INO80: variants seen among roughly 807,000 people sequenced by gnomAD.
The protein encoded by INO80 is INO80 complex ATPase subunit.
A neutral mutation model predicts 203.4 loss-of-function variants in INO80; 20 were observed. The ratio of observed to expected loss-of-function variants is 0.10; its 90% CI spans 0.07 to 0.14. The LOEUF (loss-of-function observed/expected upper bound fraction) is 0.14. Ranked by LOEUF, INO80 falls within the 10% of genes least tolerant of loss-of-function variation. The pLI, the probability that INO80 is intolerant of heterozygous loss-of-function variation, is 1.00. For synonymous variants in INO80, 726 were observed against 685.2 expected, an observed-to-expected ratio of 1.06 and a Z score of -0.93; for missense variants, 1,419 against 1,914.4, an observed-to-expected ratio of 0.74 and a Z score of 4.83.
chr15:41,070,496 T>C lies in INO80; in HGVS notation c.1657A>G (p.Ser553Gly), dbSNP rs2045292753. The change falls in exon 13 of 36, where the codon AGC becomes GGC. Residue 553 changes from serine (S) to glycine (G), a missense_variant. This residue lies in a region of INO80 where 192 missense variants were observed against 406.7 expected (regional missense o/e 0.47). Coordinates refer to ENST00000648947, the MANE Select transcript of INO80 (RefSeq NM_017553.3). ...DEMGLGKTVQ[S>G]IALLAHLAER... is the part of the protein sequence containing the mutation. ...GCCAGATGGGCCAGAAGGGCAATGC[T>C]CTGTACTGTTTTACCAAGGCCCATT... 6.2e-7 allele frequency: 1 copy of C among 1,614,156 alleles called. No individual in the cohort carries two copies. The highest frequency in any genetic ancestry group is 2.2e-5 in the East Asian group (1 of 44,888).
rs1237967713 is a variant in INO80, at chr15:41,005,707, G to A, written c.3403-20C>T. 7.4e-7 allele frequency: 1 copy of A among 1,351,774 alleles called. No homozygotes were observed. Among genetic ancestry groups the A allele is most frequent in the South Asian group, 1.2e-5 (1 of 84,442 alleles). 83.7% of individuals were successfully genotyped at this position (1,351,774 alleles called of 1,614,324 possible). On this transcript the variant is annotated intron_variant, in intron 27 of 35. Transcript: ENST00000648947. ...GTATTCCTGCCAACCAGGATAAAAG[G>A]ACACAGTAAATCTGATGCAAATTAC... is the stretch of plus-strand genomic sequence containing the variant.
chr15:41,049,840 C>A, intron 20 of INO80, 95 bp downstream of exon 20: 1 of 1,142,728 alleles, frequency 8.8e-7, no homozygotes, highest in South Asian at 1.6e-5. Context: ...GAGCCGAAAT[C>A]ACGCCATTGC....
At chr15:41,011,201 T>G (rs140392674) in intron 27 of INO80, among the ~76,000 whole-genome samples, 1 of 152,368 alleles carries the variant, frequency 6.6e-6, no homozygotes, top group East Asian at 1.9e-4. Flanking sequence ...TCCCTGATGG[T>G]TGAAATTCTA....
At chr15:41,050,242 G>A in intron 19 of INO80, 140 bp from the exon 20 acceptor site, 1 of 572,640 alleles carries the variant, frequency 1.7e-6, no homozygotes, top group Non-Finnish European at 3.1e-6. Flanking sequence ...ATAAACCTGT[G>A]AATGTGGACA....
rs143822228 is a variant in INO80 at position 41,008,185 on chromosome 15, A to G, written c.3403-2498T>C. 2.1e-3 allele frequency among the ~76,000 whole-genome samples: 314 copies of G among 151,088 alleles called. 1 individual carries two copies. The highest frequency in any genetic ancestry group is 7.1e-3 in the African/African-American group (291 of 41,180). Reference sequence around the variant, plus strand: ...GTGATTGTCTCAAAATAAACAAACAAAACAGGTGAATGGATAAAGAATATG... The same window carrying G: ...GTGATTGTCTCAAAATAAACAAACAGAACAGGTGAATGGATAAAGAATATG... On this transcript the variant is annotated intron_variant, in intron 27 of 35. Transcript: ENST00000648947.
At chr15:41,107,420 G>C (rs2045896403) in intron 1 of INO80, among the ~76,000 whole-genome samples, 1 of 152,126 alleles carries the variant, frequency 6.6e-6, no homozygotes, top group Non-Finnish European at 1.5e-5. Flanking sequence ...AGAATTGCTT[G>C]AACCCAGGAG....
chr15:41,116,259 C>CG lies in INO80; in HGVS notation c.-331dup. 5.0e-6 allele frequency: 2 copies of CG among 399,552 alleles called. No homozygotes were observed. The highest frequency in any genetic ancestry group is 1.3e-4 in the South Asian group (1 of 7,966). 24.8% of individuals were successfully genotyped at this position (399,552 alleles called of 1,614,324 possible). On this transcript the variant is annotated 5_prime_UTR_variant, in exon 1 of 36. The change creates a premature stop within an existing upstream ORF in the 5' untranslated region. Transcript: ENST00000648947. ...GGAGCAGGGACACGGGGAGCCATGG[C>CG]GGGGGGGAGGAGAGGCGCCATAGCC...
intron 1 of INO80, among the ~76,000 whole-genome samples, chr15:41,113,442 A>AT (rs1406667394): frequency 1.3e-5 from 2 of 151,322 alleles, no homozygotes; most frequent in African/African-American, 2.4e-5. Flanking sequence ...AATTTTTTGT[A>AT]TTTTTGGTAG....
intron 25 of INO80, among the ~76,000 whole-genome samples, chr15:41,022,276 C>A (rs915079058): frequency 6.6e-6 from 1 of 152,142 alleles, no homozygotes; most frequent in African/African-American, 2.4e-5. Context: ...CATAAAACAC[C>A]GGCTGTATCT....
At chr15:40,987,738 AAT>A (rs2043760033) in intron 30 of INO80, 76 bp downstream of exon 30, 2 of 1,319,302 alleles carry the variant, frequency 1.5e-6, no homozygotes, top group African/African-American at 2.9e-5. Context: ...AGAGTTTTAA[AAT>A]AGTCTCAATG....
intron 27 of INO80, among the ~76,000 whole-genome samples, chr15:41,014,472 C>G (rs1352005807): frequency 6.6e-6 from 1 of 152,178 alleles, no homozygotes; most frequent in Non-Finnish European, 1.5e-5. Flanking sequence ...GACATGCAGG[C>G]AGTCCTTTTA....
At chr15:40,990,824 A>G (rs2043807925) in intron 29 of INO80, among the ~76,000 whole-genome samples, 1 of 152,226 alleles carries the variant, frequency 6.6e-6, no homozygotes, top group African/African-American at 2.4e-5. Context: ...GTTGGACTAG[A>G]GGATAACATT....
intron 20 of INO80, 141 bp downstream of exon 20, chr15:41,049,791 CAGG>C (rs1346665183): frequency 2.8e-6 from 2 of 716,350 alleles, no homozygotes; most frequent in African/African-American, 3.5e-5. Flanking sequence ...GAGGCTGAGG[CAGG>C]AGAATTGCCT....
At chr15:41,053,857 A>G (rs1334213989) in intron 19 of INO80, 72 bp downstream of exon 19, 3 of 1,167,166 alleles carry the variant, frequency 2.6e-6, no homozygotes, top group East Asian at 2.4e-5. Context: ...ACATATATCA[A>G]TAAATTTCTC....
intron 29 of INO80, among the ~76,000 whole-genome samples, chr15:40,993,213 C>CTA (rs1178721449): frequency 6.6e-6 from 1 of 152,120 alleles, no homozygotes; most frequent in African/African-American, 2.4e-5. Context: ...CTCTTTACTC[C>CTA]TACAGGGCAA....
chr15:41,096,095 A>G, intron 2 of INO80, 73 bp downstream of exon 2: 1 of 1,478,664 alleles, frequency 6.8e-7, no homozygotes, highest in Non-Finnish European at 9.1e-7. Context: ...AGATACTTTA[A>G]TCCTGTAAAA....
In INO80 at chr15:40,983,994, C is replaced by T. The variant is rs1429400484; in HGVS notation, c.4078-73G>A. 11 of 1,538,160 alleles carry T rather than the reference C, an allele frequency of 7.2e-6. No homozygotes were observed. The East Asian group carries it at 2.5e-4, about 35-fold the overall frequency. Reference sequence around the variant, plus strand: ...CCATGGCCTTGCACCCAGCTAGGAACATGCTTCACAGTTGAGGCTGCTTTG... The same window carrying T: ...CCATGGCCTTGCACCCAGCTAGGAATATGCTTCACAGTTGAGGCTGCTTTG... On this transcript the variant is annotated intron_variant, in intron 33 of 35. Coordinates refer to ENST00000648947, the MANE Select transcript of INO80 (RefSeq NM_017553.3).
At chr15:41,080,557 T>C (rs2045470520) in intron 8 of INO80, among the ~76,000 whole-genome samples, 1 of 152,198 alleles carries the variant, frequency 6.6e-6, no homozygotes, top group Non-Finnish European at 1.5e-5. Context: ...AACAATTTTA[T>C]TTAATAAACA....
Position 41,049,278 on chromosome 15 carries a change from C to T in INO80, c.2576+9G>A, listed in dbSNP as rs1177542097. On this transcript the variant is annotated intron_variant, in intron 21 of 35. Transcript: ENST00000648947. ...CACTAATAGTGAACAGATAGTAATACTTCCCTACCTGTCTCGTGAATGATT... is the reference window on the plus strand; with the variant it reads ...CACTAATAGTGAACAGATAGTAATATTTCCCTACCTGTCTCGTGAATGATT... The T allele has an allele frequency of 6.2e-7, 1 of 1,608,122 alleles. No individual in the cohort carries two copies. The highest frequency in any genetic ancestry group is 2.2e-5 in the East Asian group (1 of 44,734).
Sources: gnomAD v4.1 joint callset for allele counts (sites outside exome capture counted in the v4.1 genomes callset) on GRCh38, gnomAD v4.1.1 for gene constraint, gnomAD v4.1.1 regional missense constraint, MANE v1.5 for transcripts, NCBI Gene and HGNC (gene_info 2026-07-23, HGNC 2026-07-21) for gene names.